Variants in CASK observed in about 807,000 individuals in gnomAD.
CASK encodes the protein calcium/calmodulin dependent serine protein kinase.
Under a neutral mutation model 82.9 loss-of-function variants are expected in CASK, and 4 were observed. The observed-to-expected ratio is 0.05, with a 90% CI of 0.02 to 0.11. CASK has a LOEUF of 0.11. CASK is among the 10% of genes least tolerant of loss of function. The pLI, the probability that CASK is intolerant of heterozygous loss-of-function variation, is 1.00. For synonymous variants in CASK, 259 were observed against 253.5 expected, an observed-to-expected ratio of 1.02 and a Z score of -0.20; for missense variants, 358 against 720.9, an observed-to-expected ratio of 0.50 and a Z score of 5.76.
chrX:41,589,380 A>C (rs1569324246), intron 13 of CASK, 135 bp downstream of exon 13: 1 of 489,922 alleles, frequency 2.0e-6, no homozygotes, highest in Non-Finnish European at 3.6e-6. Flanking sequence ...TAATAAACTT[A>C]GAAATACTAA....
At position 41,678,921 on chromosome X, in the gene CASK, TA is replaced by T. The variant is rs1242875111; in HGVS notation, c.430-7392del. On this transcript the variant is annotated intron_variant, in intron 5 of 26. Transcript: ENST00000378163. ...ATTTGTTTAAAATTATGCCTCTACT[TA>T]AAAAAAAAAAAAAGCCAGTTTTGGT... is the stretch of plus-strand genomic sequence containing the variant. 4.0e-3 allele frequency among the ~76,000 whole-genome samples: 385 copies of T among 96,259 alleles called. 2 individuals are homozygous for T. Among genetic ancestry groups the T allele is most frequent in the Middle Eastern group, 0.01 (2 of 198 alleles). 83.6% of individuals were successfully genotyped at this position (96,259 alleles called of 115,157 possible). A position where few individuals can be genotyped will look rare whatever the true frequency, so the allele number is the denominator to read the frequency against.
At chrX:41,842,636 G>T (rs1236166945) in intron 2 of CASK, among the ~76,000 whole-genome samples, 1 of 110,673 alleles carries the variant, frequency 9.0e-6, no homozygotes, top group Non-Finnish European at 1.9e-5. Context: ...TGTTTTTCAG[G>T]ATTGTTAAGG....
At chrX:41,765,961 T>C (rs1053247494) in intron 3 of CASK, among the ~76,000 whole-genome samples, 1 of 112,232 alleles carries the variant, frequency 8.9e-6, no homozygotes, top group Non-Finnish European at 1.9e-5. Flanking sequence ...TGTATCAATG[T>C]CAATATCCTG....
intron 18 of CASK, 101 bp from the exon 19 acceptor site, chrX:41,557,201 T>G (rs1023302097): frequency 7.1e-6 from 5 of 708,308 alleles, no homozygotes; most frequent in Non-Finnish European, 8.9e-6. Flanking sequence ...CCATTTCCTT[T>G]GAGGTTTGAG....
At chrX:41,797,713 G>A (rs1253721792) in intron 2 of CASK, among the ~76,000 whole-genome samples, 1 of 111,692 alleles carries the variant, frequency 9.0e-6, no homozygotes, top group Non-Finnish European at 1.9e-5. Flanking sequence ...AGACATGCCC[G>A]AAGTCACACA....
At chrX:41,783,774 G>A (rs1386293800) in intron 3 of CASK, among the ~76,000 whole-genome samples, 1 of 111,482 alleles carries the variant, frequency 9.0e-6, no homozygotes, top group East Asian at 2.8e-4. Flanking sequence ...GGTGACGTCT[G>A]CCACTTGTTG....
At chrX:41,588,027 A>G (rs1039283417) in intron 13 of CASK, 2 of 111,971 alleles carry the variant, frequency 1.8e-5, no homozygotes, top group Admixed American at 9.5e-5. Flanking sequence ...GGATGTTGTG[A>G]GGTCACATGG....
intron 1 of CASK, among the ~76,000 whole-genome samples, chrX:41,890,676 T>C (rs1390250463): frequency 9.0e-6 from 1 of 111,233 alleles, no homozygotes; most frequent in Non-Finnish European, 1.9e-5. Flanking sequence ...TTGACCCCAC[T>C]TAACAAATTT....
chrX:41,799,772 C>T (rs759490530), intron 2 of CASK, among the ~76,000 whole-genome samples: 25 of 102,485 alleles, frequency 2.4e-4, no homozygotes, highest in Admixed American at 3.4e-4. Flanking sequence ...CTGTAGCATT[C>T]GAGATAGGGA....
At chrX:41,594,123 C>G (rs748001362) in intron 12 of CASK, among the ~76,000 whole-genome samples, 2 of 111,870 alleles carry the variant, frequency 1.8e-5, no homozygotes, top group African/African-American at 6.5e-5. Context: ...AAAGCTAAGG[C>G]CAAGAGGAAG....
intron 16 of CASK, among the ~76,000 whole-genome samples, chrX:41,565,988 T>G (rs1008172612): frequency 2.7e-5 from 3 of 111,820 alleles, no homozygotes; most frequent in African/African-American, 9.8e-5. Context: ...AAAAACCACA[T>G]GATTATCTCA....
chrX:41,660,542 C>T lies in CASK; in HGVS notation c.728G>A (p.Ser243Asn), dbSNP rs755881479. Residue 243 changes from serine to asparagine, a missense_variant, in exon 8 of 27, where the codon AGC (serine) becomes AAC (asparagine). Around this residue, in one of 5 missense-constraint regions of CASK, gnomAD observed 70 missense variants for 228.4 expected, o/e 0.31. Transcript: ENST00000378163. The part of the protein sequence containing the change: ...GKYKMNPRQW[S>N]HISESAKDLV... ...GTCTTTGGCACTTTCAGAGATATGGCTCCACTGCCTTGGATTCATCTGAGG... is the reference window on the plus strand; with the variant it reads ...GTCTTTGGCACTTTCAGAGATATGGTTCCACTGCCTTGGATTCATCTGAGG... 2.9e-5 allele frequency: 35 copies of T among 1,202,995 alleles called. No homozygotes were observed. In the East Asian group the frequency reaches 8.6e-4, roughly 30 times the overall value.
chrX:41,878,864 T>G (rs750930373), intron 1 of CASK, among the ~76,000 whole-genome samples: 1 of 111,541 alleles, frequency 9.0e-6, no homozygotes, highest in African/African-American at 3.3e-5. Context: ...AGCTGCTCTA[T>G]TTGTCTATCC....
intron 11 of CASK, among the ~76,000 whole-genome samples, chrX:41,618,733 A>G (rs1045469188): frequency 9.0e-6 from 1 of 110,671 alleles, no homozygotes; most frequent in Admixed American, 9.7e-5. Context: ...TGTTCCTTCC[A>G]TAATAGACTG....
intron 5 of CASK, among the ~76,000 whole-genome samples, chrX:41,721,726 C>T (rs1190984600): frequency 9.0e-6 from 1 of 111,581 alleles, no homozygotes; most frequent in African/African-American, 3.3e-5. Flanking sequence ...CAATTTCCTC[C>T]CGTGTAAAAT....
intron 2 of CASK, among the ~76,000 whole-genome samples, chrX:41,826,469 TG>T (rs1284231345): frequency 9.0e-6 from 1 of 111,438 alleles, no homozygotes. Flanking sequence ...TTTAGTTTTT[TG>T]TTTTGTTTTG....
At chrX:41,810,566 C>A (rs1490935358) in intron 2 of CASK, among the ~76,000 whole-genome samples, 4 of 111,354 alleles carry the variant, frequency 3.6e-5, no homozygotes, top group East Asian at 2.8e-4. Flanking sequence ...GCCTGCCCTA[C>A]AAGAGCTCCT....
intron 4 of CASK, among the ~76,000 whole-genome samples, chrX:41,741,651 G>A (rs751729762): frequency 8.9e-6 from 1 of 111,757 alleles, no homozygotes; most frequent in African/African-American, 3.2e-5. Context: ...GAATCTTTGC[G>A]GCGTGTGTGG....
At chrX:41,521,768 T>C (rs1049199037) in intron 26 of CASK, among the ~76,000 whole-genome samples, 1 of 112,060 alleles carries the variant, frequency 8.9e-6, no homozygotes. Context: ...TAAATATACA[T>C]AGAGATAACG....
Sources: gnomAD v4.1 joint callset for allele counts (sites outside exome capture counted in the v4.1 genomes callset) on GRCh38, gnomAD v4.1.1 for gene constraint, gnomAD v4.1.1 regional missense constraint, MANE v1.5 for transcripts, NCBI Gene and HGNC (gene_info 2026-07-23, HGNC 2026-07-21) for gene names.